DNAH17: variants seen among roughly 807,000 people sequenced by gnomAD.
DNAH17 encodes the protein axonemal beta dynein heavy chain 17.
In DNAH17, 376 loss-of-function variants were observed where a neutral mutation model predicts 485.6. That is an observed-to-expected ratio of 0.77 (90% CI 0.71 to 0.84). The LOEUF (loss-of-function observed/expected upper bound fraction) is 0.84. Ranked by LOEUF, DNAH17 falls within the 40% of genes least tolerant of loss-of-function variation. The pLI, the probability that DNAH17 is intolerant of heterozygous loss-of-function variation, is 0.00. For missense variants in DNAH17, 6,370 were observed against 5,839.3 expected, an observed-to-expected ratio of 1.09 and a Z score of -2.96; for synonymous variants, 3,031 against 2,405.9, an observed-to-expected ratio of 1.26 and a Z score of -7.60.
rs1421541637 is a variant in DNAH17, at chr17:78,501,260, A to G, written c.5407T>C (p.Cys1803Arg). ...TAGGAATACTGGATTTGGGCATCGC[A>G]GATGTTGGCAAAGCAGTGTCGCTTC... ...EEKRHCFANI[C>R]DAQIQYSYEY... is the part of the protein sequence containing the mutation. Residue 1803 changes from cysteine to arginine, a missense_variant, in exon 35 of 81, where the codon TGC (cysteine) becomes CGC (arginine). Coordinates refer to ENST00000389840, the MANE Select transcript of DNAH17 (RefSeq NM_173628.4). 1 of 1,609,264 alleles carries G rather than the reference A, an allele frequency of 6.2e-7. No homozygotes were observed. Among genetic ancestry groups the G allele is most frequent in the Non-Finnish European group, 8.5e-7 (1 of 1,176,090 alleles).
intron 68 of DNAH17, chr17:78,449,856 A>G: frequency 2.3e-6 from 1 of 443,572 alleles, no homozygotes; most frequent in Non-Finnish European, 4.1e-6. Context: ...TTTTATTTTT[A>G]GTACAGACAG....
chr17:78,492,343 G>C (rs768703345), intron 42 of DNAH17, among the ~76,000 whole-genome samples: 1 of 152,142 alleles, frequency 6.6e-6, no homozygotes, highest in Non-Finnish European at 1.5e-5. Context: ...CTCCTCACGG[G>C]TCACACCTGT....
In DNAH17 at chr17:78,574,708, C is replaced by T. The variant is rs753794009; in HGVS notation, c.345+5G>A. 1 of 1,592,906 alleles carries T rather than the reference C, an allele frequency of 6.3e-7. No individual in the cohort carries two copies. ...CACCCCGGATGGCAGCCTGGACGCA[C>T]TCACCTCCTCCACCACCGCGATCAG... On this transcript the variant is annotated splice_donor_5th_base_variant and intron_variant, in intron 2 of 80. Transcript: ENST00000389840.
intron 26 of DNAH17, 104 bp downstream of exon 26, chr17:78,514,670 G>A (rs1303991902): frequency 1.3e-5 from 18 of 1,438,606 alleles, no homozygotes; most frequent in Non-Finnish European, 1.7e-5. Flanking sequence ...GGCTTTACCA[G>A]CATCGGGCCC....
chr17:78,529,097 C>G (rs1161479178), intron 22 of DNAH17, among the ~76,000 whole-genome samples: 1 of 152,154 alleles, frequency 6.6e-6, no homozygotes, highest in Admixed American at 6.5e-5. Context: ...TAGCCAGCCA[C>G]AGCTGGCTAA....
intron 58 of DNAH17, 151 bp downstream of exon 58, chr17:78,461,393 C>T (rs1006252816): frequency 3.6e-5 from 29 of 808,128 alleles, no homozygotes; most frequent in Admixed American, 3.2e-4. Context: ...GAGACTCCTT[C>T]GGGGGTCCCA....
In DNAH17 at chr17:78,476,507, C is replaced by T. The variant is rs573637088; in HGVS notation, c.8154+65G>A. On this transcript the variant is annotated intron_variant, in intron 52 of 80. Transcript: ENST00000389840. ...TGAGAGGGCTGCAGTTCTCATTGGC[C>T]GCCGACACTCCACCCTCCTGGAGCC... 164 of 1,524,868 alleles carry T rather than the reference C, an allele frequency of 1.1e-4. No homozygotes were observed. In the Middle Eastern group the frequency reaches 1.4e-3, roughly 13 times the overall value. 94.5% of individuals were successfully genotyped at this position (1,524,868 alleles called of 1,614,324 possible).
chr17:78,525,580 C>T (rs147144708), intron 24 of DNAH17, among the ~76,000 whole-genome samples: 5 of 152,370 alleles, frequency 3.3e-5, no homozygotes, highest in Non-Finnish European at 5.9e-5. Flanking sequence ...AATCCCATGA[C>T]TAAGAGTTGG....
intron 80 of DNAH17, chr17:78,424,382 C>T (rs775903834): frequency 2.0e-5 from 10 of 498,698 alleles, no homozygotes; most frequent in South Asian, 1.0e-4. Flanking sequence ...CTAAAGCCCT[C>T]GGGTTCCATC....
chr17:78,561,716 G>A lies in DNAH17; in HGVS notation c.1834C>T (p.Pro612Ser). Residue 612 changes from proline to serine, a missense_variant and splice_region_variant, in exon 12 of 81, where the codon CCG (proline) becomes TCG (serine). By Grantham distance (74) the Pro-to-Ser change is moderately conservative (BLOSUM62 -1). Coordinates refer to ENST00000389840, the MANE Select transcript of DNAH17 (RefSeq NM_173628.4). ...CCCCTGCCCAGGGCTGTGACTCACG[G>A]GTGTTCGACGTGCTTCAGGTGTTTC... The part of the protein sequence containing the change: ...SMKHLKHVEH[P>S]VMSGAEAKLT... The A allele has an allele frequency of 6.2e-7, 1 of 1,604,066 alleles. No homozygotes were observed.
rs1465008083 is a variant in DNAH17 at position 78,539,732 on chromosome 17, C to T, written c.2676+5G>A. 9.4e-6 allele frequency: 15 copies of T among 1,603,246 alleles called. No homozygotes were observed. Among genetic ancestry groups the T allele is most frequent in the Non-Finnish European group, 1.2e-5 (14 of 1,175,932 alleles). On this transcript the variant is annotated splice_donor_5th_base_variant and intron_variant, in intron 18 of 80. Coordinates refer to ENST00000389840, the MANE Select transcript of DNAH17 (RefSeq NM_173628.4). ...TAAATATATTACCTTATGTTGATAACTTACATCTATAACCATGTTGTCCAT... is the reference window on the plus strand; with the variant it reads ...TAAATATATTACCTTATGTTGATAATTTACATCTATAACCATGTTGTCCAT...
At chr17:78,428,187 G>C (rs1489524297) in intron 77 of DNAH17, 2 of 394,380 alleles carry the variant, frequency 5.1e-6, no homozygotes, top group African/African-American at 4.1e-5. Context: ...GGCCAGGCCA[G>C]GGTGGGGAAT....
chr17:78,534,242 C>T (rs2091315284), intron 19 of DNAH17, among the ~76,000 whole-genome samples: 1 of 152,226 alleles, frequency 6.6e-6, no homozygotes, highest in African/African-American at 2.4e-5. Flanking sequence ...ATGACAGCTG[C>T]AGAGAGGCCC....
intron 13 of DNAH17, among the ~76,000 whole-genome samples, chr17:78,560,089 T>C (rs1201009095): frequency 6.6e-6 from 1 of 152,146 alleles, no homozygotes; most frequent in East Asian, 1.9e-4. Flanking sequence ...CCCTCGTGAA[T>C]GCTAGCTGAT....
At chr17:78,462,808 C>G in intron 57 of DNAH17, 36 bp downstream of exon 57, 2 of 1,604,938 alleles carry the variant, frequency 1.2e-6, no homozygotes, top group Non-Finnish European at 1.7e-6. Flanking sequence ...CTCCAGGGAA[C>G]GGCACAGGAG....
At chr17:78,544,824 A>AAAAAAAAT (rs2091711195) in intron 16 of DNAH17, among the ~76,000 whole-genome samples, 1 of 146,872 alleles carries the variant, frequency 6.8e-6, no homozygotes, top group South Asian at 2.2e-4. Flanking sequence ...AAAAAAAAAA[A>AAAAAAAAT]GGTGGGGGTG....
rs192828620 is a variant in DNAH17 at position 78,510,181 on chromosome 17, C to G, written c.4236+203G>C. On this transcript the variant is annotated intron_variant, in intron 27 of 80. Transcript: ENST00000389840. The stretch of plus-strand genomic sequence containing the variant: ...TGGGCAACAGAGAGAGACTCTGTCT[C>G]AAAAACAATAAAAAATAATAAACAA... Among the ~76,000 whole-genome samples the G allele has an allele frequency of 1.1e-3, 175 of 152,214 alleles. 1 individual carries two copies. The highest frequency in any genetic ancestry group is 4.0e-3 in the African/African-American group (166 of 41,542).
chr17:78,486,584 C>G, intron 44 of DNAH17, 78 bp from the exon 45 acceptor site: 2 of 1,487,000 alleles, frequency 1.3e-6, no homozygotes, highest in Non-Finnish European at 1.8e-6. Context: ...AAACGCCCCT[C>G]CCTACCTCCA....
At chr17:78,577,265 A>C (rs890397416) in intron 1 of DNAH17, 30 bp downstream of exon 1, 1 of 151,840 alleles carries the variant, frequency 6.6e-6, no homozygotes, top group African/African-American at 2.4e-5. Context: ...TTGGCCTCCG[A>C]CTCCCCCAGC....
Sources: gnomAD v4.1 joint callset for allele counts (sites outside exome capture counted in the v4.1 genomes callset) on GRCh38, gnomAD v4.1.1 for gene constraint, MANE v1.5 for transcripts, NCBI Gene and HGNC (gene_info 2026-07-23, HGNC 2026-07-21) for gene names.